WNT3: variants seen among roughly 807,000 people sequenced by gnomAD.
WNT3 encodes the protein proto-oncogene Wnt-3.
Under a neutral mutation model 34.2 loss-of-function variants are expected in WNT3, and 7 were observed. That is an observed-to-expected ratio of 0.20 (90% CI 0.12 to 0.38). The LOEUF is 0.38. Ranked by LOEUF, WNT3 falls within the 10% of genes least tolerant of loss-of-function variation. The pLI is 1.00. For synonymous variants in WNT3, 212 were observed against 211.5 expected, an observed-to-expected ratio of 1.00 and a Z score of -0.02; for missense variants, 267 against 499.8, an observed-to-expected ratio of 0.53 and a Z score of 4.44.
intron 1 of WNT3, among the ~76,000 whole-genome samples, chr17:46,809,637 G>A (rs1012565788): frequency 1.3e-5 from 2 of 152,104 alleles, no homozygotes; most frequent in Non-Finnish European, 2.9e-5. Context: ...CTTTGCCCTC[G>A]CCCCCCTCAC....
chr17:46,817,283 C>T (rs1047624050), intron 1 of WNT3, among the ~76,000 whole-genome samples: 2 of 152,188 alleles, frequency 1.3e-5, no homozygotes, highest in African/African-American at 4.8e-5. Context: ...CAGGCGGTAC[C>T]GCACCGTGGT....
At chr17:46,793,964 T>C (rs2084019764) in intron 1 of WNT3, among the ~76,000 whole-genome samples, 1 of 152,088 alleles carries the variant, frequency 6.6e-6, no homozygotes, top group Admixed American at 6.5e-5. Flanking sequence ...CCCAGCAGAG[T>C]GCATTTATTC....
chr17:46,770,439 G>A (rs936659335), intron 2 of WNT3, among the ~76,000 whole-genome samples: 3 of 152,164 alleles, frequency 2.0e-5, no homozygotes, highest in African/African-American at 7.2e-5. Flanking sequence ...ACCCTGCACA[G>A]GCCTGAGCCC....
At chr17:46,804,971 G>C (rs1198937343) in intron 1 of WNT3, among the ~76,000 whole-genome samples, 1 of 120,566 alleles carries the variant, frequency 8.3e-6, no homozygotes, top group Non-Finnish European at 1.6e-5. Context: ...CGCCTTCCAT[G>C]CTGTGGAAAC....
At chr17:46,809,446 G>T (rs941727789) in intron 1 of WNT3, among the ~76,000 whole-genome samples, 2 of 152,186 alleles carry the variant, frequency 1.3e-5, no homozygotes, top group African/African-American at 4.8e-5. Flanking sequence ...CTGGGTGCTT[G>T]GTCCTGTTGC....
intron 4 of WNT3, among the ~76,000 whole-genome samples, chr17:46,764,861 A>G (rs1483365678): frequency 6.6e-6 from 1 of 151,812 alleles, no homozygotes; most frequent in Non-Finnish European, 1.5e-5. Flanking sequence ...TCGAAATTCT[A>G]CCTCCCCCAC....
At chr17:46,776,026 C>A (rs2059409592) in intron 1 of WNT3, among the ~76,000 whole-genome samples, 1 of 152,220 alleles carries the variant, frequency 6.6e-6, no homozygotes, top group Non-Finnish European at 1.5e-5. Flanking sequence ...ATAGCCCCAG[C>A]ACAAAGTAGG....
chr17:46,767,447 A>C (rs901334621), intron 4 of WNT3, among the ~76,000 whole-genome samples: 3 of 152,078 alleles, frequency 2.0e-5, no homozygotes, highest in Non-Finnish European at 4.4e-5. Context: ...CTTGCCCTCT[A>C]AGTTCAAGGT....
At chr17:46,765,911 T>C (rs1046047685) in intron 4 of WNT3, among the ~76,000 whole-genome samples, 1 of 152,222 alleles carries the variant, frequency 6.6e-6, no homozygotes, top group Non-Finnish European at 1.5e-5. Flanking sequence ...TGGGAGTGTT[T>C]ATCAGAAGGG....
At chr17:46,771,484 C>T (rs2059369068) in intron 2 of WNT3, among the ~76,000 whole-genome samples, 1 of 149,632 alleles carries the variant, frequency 6.7e-6, no homozygotes, top group African/African-American at 2.4e-5. Context: ...GTTCCCAGCC[C>T]CGGGAACGCG....
intron 2 of WNT3, among the ~76,000 whole-genome samples, chr17:46,773,110 C>A (rs935859319): frequency 2.6e-4 from 39 of 152,192 alleles, no homozygotes; most frequent in African/African-American, 9.2e-4. Flanking sequence ...CAGTTAGACT[C>A]CCAGGCTGCA....
At chr17:46,780,151 T>A (rs1051300012) in intron 1 of WNT3, among the ~76,000 whole-genome samples, 3 of 152,232 alleles carry the variant, frequency 2.0e-5, no homozygotes, top group Non-Finnish European at 4.4e-5. Context: ...GTGAGACACC[T>A]AAAGGCACCC....
chr17:46,818,515 T>C lies in WNT3; in HGVS notation c.80+3A>G. The C allele has an allele frequency of 6.2e-7, 1 of 1,605,644 alleles. No homozygotes were observed. The highest frequency in any genetic ancestry group is 1.1e-5 in the South Asian group (1 of 89,316). ...CCGCGGGCAGACAAGAGGCGAGTCTTACCACCAAATTGGGTAGCCAGCGAG... is the reference window on the plus strand; with the variant it reads ...CCGCGGGCAGACAAGAGGCGAGTCTCACCACCAAATTGGGTAGCCAGCGAG... On this transcript the variant is annotated splice_donor_region_variant and intron_variant, in intron 1 of 4. Transcript: ENST00000225512.
intron 1 of WNT3, among the ~76,000 whole-genome samples, chr17:46,800,975 G>A (rs1370794110): frequency 2.0e-5 from 3 of 152,206 alleles, no homozygotes; most frequent in Non-Finnish European, 4.4e-5. Context: ...AGGTGTGCAC[G>A]AGAACAACGC....
intron 1 of WNT3, among the ~76,000 whole-genome samples, chr17:46,783,983 G>T (rs1035862365): frequency 6.6e-6 from 1 of 152,202 alleles, no homozygotes; most frequent in Admixed American, 6.5e-5. Flanking sequence ...GGGAGGCGGG[G>T]TTGACGTGGA....
chr17:46,789,246 G>C lies in WNT3; in HGVS notation c.81-15337C>G, dbSNP rs368794504. ...CACACCTGATAGCACTGGCCACCAG[G>C]GCTGGCACCTACCTGGACTGTCCCA... On this transcript the variant is annotated intron_variant, in intron 1 of 4. Transcript: ENST00000225512. Among the ~76,000 whole-genome samples the C allele has an allele frequency of 3.3e-4, 50 of 152,270 alleles. No homozygotes were observed. The East Asian group carries it at 8.1e-3, about 25-fold the overall frequency.
At chr17:46,818,410 G>T (rs1488321359) in intron 1 of WNT3, 108 bp downstream of exon 1, 3 of 1,125,636 alleles carry the variant, frequency 2.7e-6, no homozygotes, top group Admixed American at 2.0e-5. Context: ...GGAGGGAGGC[G>T]AGGAGAGGAG....
chr17:46,774,357 C>T lies in WNT3; in HGVS notation c.81-448G>A, dbSNP rs188785586. ...TCCAGTGACTCATGGGACACGCGCG[C>T]GCGCGCACACACACACACTACCCTT... On this transcript the variant is annotated intron_variant, in intron 1 of 4. Coordinates refer to ENST00000225512, the MANE Select transcript of WNT3 (RefSeq NM_030753.5). Among the ~76,000 whole-genome samples the T allele has an allele frequency of 9.6e-4, 147 of 152,338 alleles. 1 individual carries two copies. Among genetic ancestry groups the T allele is most frequent in the African/African-American group, 3.2e-3 (134 of 41,576 alleles).
chr17:46,776,342 TGTTAGAAGCAG>T (rs1325630558), intron 1 of WNT3, among the ~76,000 whole-genome samples: 2 of 152,220 alleles, frequency 1.3e-5, no homozygotes, highest in African/African-American at 4.8e-5. Flanking sequence ...GCCCCTGCCC[TGTTAGAAGCAG>T]GTTAGAGTGA....
Sources: allele counts gnomAD v4.1 joint callset (sites outside exome capture counted in the v4.1 genomes callset), GRCh38; gene constraint gnomAD v4.1.1; transcripts MANE v1.5; gene names NCBI Gene and HGNC (gene_info 2026-07-23, HGNC 2026-07-21).